The following MACROD2 variants were observed in gnomAD, a reference collection of about 807,000 sequenced individuals.
MACROD2 encodes the protein ADP-ribose glycohydrolase MACROD2.
In MACROD2, 36 loss-of-function variants were observed where a neutral mutation model predicts 70.4. The ratio of observed to expected loss-of-function variants is 0.51; its 90% CI spans 0.39 to 0.68. The LOEUF (loss-of-function observed/expected upper bound fraction) is 0.68, where lower values mean the gene tolerates loss of function less well. Among genes scored for constraint, MACROD2 ranks in the 30% least tolerant of loss-of-function variants. The probability of loss-of-function intolerance (pLI) is 0.00; values close to 1 mark genes in which losing one functional copy is unlikely to be tolerated. For missense variants in MACROD2, 496 were observed against 538.4 expected (o/e 0.92, Z 0.78); for synonymous variants, 172 against 178.8 (o/e 0.96, Z 0.30).
At chr20:15,513,549 T>C (rs2047527708) in intron 8 of MACROD2, among the ~76,000 whole-genome samples, 1 of 152,194 alleles carries the variant, frequency 6.6e-6, no homozygotes, top group East Asian at 1.9e-4. Context: ...TCAATATATG[T>C]ACCAGAGGCT....
chr20:14,152,357 G>C (rs190699778), intron 3 of MACROD2, among the ~76,000 whole-genome samples: 5 of 151,712 alleles, frequency 3.3e-5, no homozygotes, highest in African/African-American at 1.2e-4. Flanking sequence ...CTAGTGCTTT[G>C]AATAAATTAA....
At chr20:15,190,694 C>T (rs2076564524) in intron 5 of MACROD2, among the ~76,000 whole-genome samples, 1 of 152,112 alleles carries the variant, frequency 6.6e-6, no homozygotes, top group Non-Finnish European at 1.5e-5. Context: ...CAGGATAGCA[C>T]CAGGCCCAGT....
intron 5 of MACROD2, among the ~76,000 whole-genome samples, chr20:15,060,191 G>A (rs993533182): frequency 1.1e-4 from 17 of 152,302 alleles, no homozygotes; most frequent in East Asian, 9.6e-4. Context: ...TGGTTAAGCT[G>A]GAATTCCATT....
intron 5 of MACROD2, among the ~76,000 whole-genome samples, chr20:15,205,681 A>G (rs1286279342): frequency 6.6e-6 from 1 of 152,256 alleles, no homozygotes; most frequent in Non-Finnish European, 1.5e-5. Flanking sequence ...GAAAATAGAT[A>G]GAGGTAGAGA....
At chr20:14,638,887 T>C (rs1316219166) in intron 4 of MACROD2, among the ~76,000 whole-genome samples, 1 of 150,666 alleles carries the variant, frequency 6.6e-6, no homozygotes, top group Non-Finnish European at 1.5e-5. Context: ...GAGGTGGAGG[T>C]TGCAGTGAGC....
At chr20:14,274,579 A>T (rs2082231926) in intron 3 of MACROD2, among the ~76,000 whole-genome samples, 1 of 152,124 alleles carries the variant, frequency 6.6e-6, no homozygotes, top group South Asian at 2.1e-4. Flanking sequence ...CCCTTTGAAA[A>T]CTGGCACAAG....
At chr20:14,849,840 C>A in intron 5 of MACROD2, 1 of 398,908 alleles carries the variant, frequency 2.5e-6, no homozygotes, top group Non-Finnish European at 4.9e-6. Context: ...CAGACTGTAG[C>A]AGATAAATGT....
intron 5 of MACROD2, among the ~76,000 whole-genome samples, chr20:15,161,049 A>G (rs1042475480): frequency 3.3e-5 from 5 of 152,078 alleles, no homozygotes; most frequent in Admixed American, 2.6e-4. Flanking sequence ...GAGCAGTAGA[A>G]GTTTTTATTA....
rs949906060 is a variant in MACROD2 at position 15,400,101 on chromosome 20, T to C, written c.541-31304T>C. Among the ~76,000 whole-genome samples, 311 of 152,298 alleles carry C rather than the reference T, an allele frequency of 2.0e-3. 1 individual carries two copies. The highest frequency in any genetic ancestry group is 7.2e-3 in the African/African-American group (301 of 41,576). On this transcript the variant is annotated intron_variant, in intron 6 of 17. Coordinates refer to ENST00000684519, the MANE Select transcript of MACROD2 (RefSeq NM_001351661.2). ...AGTTGAAAAGAAAGACGGTTTTCCT[T>C]CACTTAGCTTTTCTGCTTAAGGCTT...
chr20:15,230,555 A>G (rs944806827), intron 6 of MACROD2, among the ~76,000 whole-genome samples: 1 of 152,132 alleles, frequency 6.6e-6, no homozygotes, highest in Non-Finnish European at 1.5e-5. Flanking sequence ...CTGCGTATGT[A>G]TTTTAACCTG....
At chr20:14,581,020 C>T (rs911010979) in intron 4 of MACROD2, among the ~76,000 whole-genome samples, 2 of 152,174 alleles carry the variant, frequency 1.3e-5, no homozygotes, top group Non-Finnish European at 2.9e-5. Flanking sequence ...ACTATAATAC[C>T]AATCTACCTG....
At chr20:14,340,037 G>T (rs950748908) in intron 3 of MACROD2, among the ~76,000 whole-genome samples, 3 of 152,182 alleles carry the variant, frequency 2.0e-5, no homozygotes, top group Admixed American at 2.0e-4. Flanking sequence ...GAAACATGAG[G>T]TTATCATGAG....
chr20:14,670,748 A>T (rs1036015112), intron 4 of MACROD2, among the ~76,000 whole-genome samples: 3 of 152,146 alleles, frequency 2.0e-5, no homozygotes, highest in Non-Finnish European at 4.4e-5. Flanking sequence ...AATGAGAAGT[A>T]GTTCAGGGCT....
chr20:14,384,418 A>C (rs1365937804), intron 3 of MACROD2, among the ~76,000 whole-genome samples: 1 of 152,148 alleles, frequency 6.6e-6, no homozygotes, highest in African/African-American at 2.4e-5. Flanking sequence ...GCACTAAGAA[A>C]GGAAATAACT....
At chr20:15,763,680 TA>T (rs11477029) in intron 8 of MACROD2, among the ~76,000 whole-genome samples, 71,318 of 150,478 alleles carry the variant, frequency 0.47, 17,914 homozygotes, top group African/African-American at 0.66. Flanking sequence ...AATCTTGCCT[TA>T]AAAAAAAAAC....
intron 8 of MACROD2, among the ~76,000 whole-genome samples, chr20:15,748,221 G>C (rs60671587): frequency 1.3e-5 from 2 of 152,182 alleles, no homozygotes; most frequent in African/African-American, 4.8e-5. Context: ...ACAAAGAATG[G>C]GGCACTGTCA....
intron 8 of MACROD2, among the ~76,000 whole-genome samples, chr20:15,777,327 T>C (rs961169567): frequency 6.6e-6 from 1 of 152,116 alleles, no homozygotes; most frequent in African/African-American, 2.4e-5. Context: ...TGAGGTTCCA[T>C]ATAAGATTAT....
chr20:14,750,202 C>T (rs1253673066), intron 5 of MACROD2, among the ~76,000 whole-genome samples: 1 of 151,952 alleles, frequency 6.6e-6, no homozygotes, highest in African/African-American at 2.4e-5. Context: ...ATTTAGAATA[C>T]AAAATTATTA....
intron 5 of MACROD2, among the ~76,000 whole-genome samples, chr20:14,723,004 G>A (rs2071488089): frequency 6.6e-6 from 1 of 152,106 alleles, no homozygotes; most frequent in African/African-American, 2.4e-5. Context: ...CCACTCCCTT[G>A]TCAGACCACC....
Sources: allele counts gnomAD v4.1 joint callset (sites outside exome capture counted in the v4.1 genomes callset), GRCh38; gene constraint gnomAD v4.1.1; transcripts MANE v1.5; gene names NCBI Gene and HGNC (gene_info 2026-07-23, HGNC 2026-07-21).